Variants in BCAS3 observed in about 807,000 individuals in gnomAD.
BCAS3 encodes the protein BCAS3 microtubule associated cell migration factor, also known as BCAS4/BCAS3 fusion.
A neutral mutation model predicts 116.1 loss-of-function variants in BCAS3; 53 were observed. The ratio of observed to expected loss-of-function variants is 0.46; its 90% CI spans 0.37 to 0.57. The LOEUF is 0.57. Ranked by LOEUF, BCAS3 falls within the 20% of genes least tolerant of loss-of-function variation. The pLI is 0.00. For missense variants in BCAS3, 917 were observed against 1,165.4 expected, an observed-to-expected ratio of 0.79 and a Z score of 3.10; for synonymous variants, 391 against 408.2, an observed-to-expected ratio of 0.96 and a Z score of 0.51.
Position 61,097,345 on chromosome 17 carries a change from A to G in BCAS3, c.2425+12781A>G, listed in dbSNP as rs2074043649. Among the ~76,000 whole-genome samples the G allele has an allele frequency of 6.6e-6, 1 of 151,854 alleles. No homozygotes were observed. Among genetic ancestry groups the G allele is most frequent in the African/African-American group, 2.4e-5 (1 of 41,334 alleles). ...AGGCGCCCGCCACCACGCCTGGCTA[A>G]TTTTTTGTATTTTTAATAGAGACGG... is the stretch of plus-strand genomic sequence containing the variant. On this transcript the variant is annotated intron_variant, in intron 22 of 23. Coordinates refer to ENST00000407086, the MANE Select transcript of BCAS3 (RefSeq NM_017679.5). This position sits in a 1 kb window ranked among gnomAD's most constrained non-coding sequence, Gnocchi z 4.0.
At chr17:60,692,446 G>A (rs2034964965) in intron 4 of BCAS3, among the ~76,000 whole-genome samples, 1 of 152,082 alleles carries the variant, frequency 6.6e-6, no homozygotes, top group Non-Finnish European at 1.5e-5. Context: ...GTTTCATCAT[G>A]TTAGCCAGGA....
intron 13 of BCAS3, among the ~76,000 whole-genome samples, chr17:60,928,662 A>G (rs951339061): frequency 6.6e-6 from 1 of 152,192 alleles, no homozygotes; most frequent in African/African-American, 2.4e-5. Context: ...TTATTACTTG[A>G]TTATGAGCAA....
Position 61,316,709 on chromosome 17 carries a change from A to G in BCAS3, c.2426-51618A>G, listed in dbSNP as rs146931147. On this transcript the variant is annotated intron_variant, in intron 22 of 23. Coordinates refer to ENST00000407086, the MANE Select transcript of BCAS3 (RefSeq NM_017679.5). This position sits in a 1 kb window ranked among gnomAD's most constrained non-coding sequence, Gnocchi z 5.8. ...AAGAAGAGGTATGAATTCTTTGGAA[A>G]AGAAATCCATGCCCTCGGAATGATG... Among the ~76,000 whole-genome samples, 16 of 152,342 alleles carry G rather than the reference A, an allele frequency of 1.1e-4. No homozygotes were observed. Among genetic ancestry groups the G allele is most frequent in the African/African-American group, 2.9e-4 (12 of 41,592 alleles).
chr17:61,022,855 G>C (rs2065974831), intron 16 of BCAS3, among the ~76,000 whole-genome samples: 1 of 151,626 alleles, frequency 6.6e-6, no homozygotes, highest in Non-Finnish European at 1.5e-5. Context: ...GCCCAGGCTA[G>C]TCTTGAACTC....
Position 61,391,922 on chromosome 17 carries a change from C to A in BCAS3, c.2594-55C>A. 1 of 1,580,458 alleles carries A rather than the reference C, an allele frequency of 6.3e-7. No individual in the cohort carries two copies. Among genetic ancestry groups the A allele is most frequent in the Non-Finnish European group, 8.6e-7 (1 of 1,162,790 alleles). On this transcript the variant is annotated intron_variant, in intron 23 of 23. Coordinates refer to ENST00000407086, the MANE Select transcript of BCAS3 (RefSeq NM_017679.5). This position sits in a 1 kb window ranked among gnomAD's most constrained non-coding sequence, Gnocchi z 7.7. ...GCAGGCAGCCTGGCCCAGATGGTGC[C>A]CCCACTCCCCAGACCCAACTCTAAC...
intron 6 of BCAS3, among the ~76,000 whole-genome samples, chr17:60,779,782 A>G (rs1009520106): frequency 1.3e-5 from 2 of 152,158 alleles, no homozygotes; most frequent in African/African-American, 4.8e-5. Context: ...AGCATGTCAG[A>G]TAAGGGGTAC....
At chr17:61,010,017 T>G (rs1326674135) in intron 15 of BCAS3, among the ~76,000 whole-genome samples, 1 of 151,914 alleles carries the variant, frequency 6.6e-6, no homozygotes, top group Non-Finnish European at 1.5e-5. Context: ...TTTTAATTTG[T>G]TTTTACTTTG....
chr17:60,897,728 A>G (rs1204123994), intron 10 of BCAS3, among the ~76,000 whole-genome samples: 3 of 151,680 alleles, frequency 2.0e-5, no homozygotes, highest in Admixed American at 6.6e-5. Context: ...TTATTTAGAG[A>G]CAGGATCTCA....
In BCAS3 at chr17:61,034,875, C is replaced by T; in HGVS notation, c.1762+85C>T. ...TTTTTAGCAGTTTCCCTAGAATAAT[C>T]TTGTACCCAGTAGTCTGGAAACCAA... On this transcript the variant is annotated intron_variant, in intron 17 of 23. Coordinates refer to ENST00000407086, the MANE Select transcript of BCAS3 (RefSeq NM_017679.5). The surrounding 1 kb of genome is among the most constrained non-coding windows in gnomAD (Gnocchi z 5.0). 3 of 1,368,324 alleles carry T rather than the reference C, an allele frequency of 2.2e-6. No individual in the cohort carries two copies. Among genetic ancestry groups the T allele is most frequent in the South Asian group, 2.8e-5 (2 of 71,216 alleles). The allele number at this position is 1,368,324 out of a possible 1,614,324, so 84.8% of individuals were successfully genotyped here.
At chr17:60,682,441 A>G (rs1032343367) in intron 2 of BCAS3, among the ~76,000 whole-genome samples, 1 of 152,162 alleles carries the variant, frequency 6.6e-6, no homozygotes, top group Non-Finnish European at 1.5e-5. Flanking sequence ...TGCTTTTTTA[A>G]TAGGATTTAT....
chr17:61,375,721 C>T (rs370218529), intron 23 of BCAS3, among the ~76,000 whole-genome samples: 3 of 152,090 alleles, frequency 2.0e-5, no homozygotes, highest in South Asian at 2.1e-4. Context: ...TACAGGCATG[C>T]GCCACCATGC....
At chr17:60,768,613 T>G (rs2144399837) in intron 6 of BCAS3, among the ~76,000 whole-genome samples, 1 of 152,308 alleles carries the variant, frequency 6.6e-6, no homozygotes, top group African/African-American at 2.4e-5. Flanking sequence ...TATATATCTA[T>G]CTATCTCCTA....
chr17:60,678,757 G>T (rs966270733), intron 1 of BCAS3, among the ~76,000 whole-genome samples: 15 of 152,134 alleles, frequency 9.9e-5, no homozygotes, highest in Admixed American at 7.9e-4. Flanking sequence ...TGTTCCGTTT[G>T]GTCTTGAAAT....
At chr17:60,953,391 G>A (rs757933319) in intron 14 of BCAS3, among the ~76,000 whole-genome samples, 2 of 151,722 alleles carry the variant, frequency 1.3e-5, no homozygotes, top group Admixed American at 6.6e-5. Context: ...CATGTCCTTT[G>A]CCCACTATTT....
rs541204274 is a variant in BCAS3, at chr17:60,727,547, C to T, written c.321+18222C>T. 3.4e-4 allele frequency: 404 copies of T among 1,194,934 alleles called. 4 individuals are homozygous for T. In the South Asian group the frequency reaches 7.0e-3, roughly 21 times the overall value. The allele number at this position is 1,194,934 out of a possible 1,614,324, so 74.0% of individuals were successfully genotyped here. A position where few individuals can be genotyped will look rare whatever the true frequency, so the allele number is the denominator to read the frequency against. On this transcript the variant is annotated intron_variant, in intron 5 of 23. Transcript: ENST00000407086. ...GAAATGGCATCTGAGACTCTCGCCT[C>T]GCAAAGCTCTCGCCTGACAGGAAAG...
At chr17:60,702,273 G>A (rs61199137) in intron 4 of BCAS3, among the ~76,000 whole-genome samples, 10,659 of 152,194 alleles carry the variant, frequency 0.07, 1,247 homozygotes, top group African/African-American at 0.24. Flanking sequence ...GCGAGTATTC[G>A]CTTAAAATCA....
intron 22 of BCAS3, among the ~76,000 whole-genome samples, chr17:61,225,288 T>C (rs1387457406): frequency 2.6e-5 from 4 of 152,148 alleles, no homozygotes; most frequent in African/African-American, 9.7e-5. Context: ...TCACCCCTTT[T>C]CACATTAGAC....
chr17:61,006,681 T>C (rs1033742534), intron 15 of BCAS3, among the ~76,000 whole-genome samples: 1 of 152,056 alleles, frequency 6.6e-6, no homozygotes, highest in Non-Finnish European at 1.5e-5. Context: ...TTCATTAGGC[T>C]AAAACTCCAC....
intron 3 of BCAS3, among the ~76,000 whole-genome samples, chr17:60,687,204 T>G (rs566655820): frequency 6.6e-6 from 1 of 152,332 alleles, no homozygotes; most frequent in East Asian, 1.9e-4. Flanking sequence ...GGTGAAAGTT[T>G]TGACTTTAAA....
Sources: gnomAD v4.1 joint callset for allele counts (sites outside exome capture counted in the v4.1 genomes callset) on GRCh38, gnomAD v4.1.1 for gene constraint, Gnocchi (gnomAD v3.1) non-coding constraint, MANE v1.5 for transcripts, NCBI Gene and HGNC (gene_info 2026-07-23, HGNC 2026-07-21) for gene names.